DLG2: variants seen among roughly 807,000 people sequenced by gnomAD.
The protein encoded by DLG2 is discs large MAGUK scaffold protein 2, also known as disks large homolog 2.
Under a neutral mutation model 132.5 loss-of-function variants are expected in DLG2, and 45 were observed. The observed-to-expected ratio is 0.34, with a 90% CI of 0.27 to 0.44. The LOEUF (loss-of-function observed/expected upper bound fraction) is 0.44. Ranked by LOEUF, DLG2 falls within the 20% of genes least tolerant of loss-of-function variation. The pLI, the probability that DLG2 is intolerant of heterozygous loss-of-function variation, is 1.00. For synonymous variants in DLG2, 424 were observed against 419.6 expected, an observed-to-expected ratio of 1.01 and a Z score of -0.13; for missense variants, 1,045 against 1,196.9, an observed-to-expected ratio of 0.87 and a Z score of 1.87.
chr11:83,522,754 T>C (rs1198560014), intron 21 of DLG2, among the ~76,000 whole-genome samples: 2 of 151,654 alleles, frequency 1.3e-5, no homozygotes, highest in Non-Finnish European at 2.9e-5. Context: ...AGCTATTTGC[T>C]CCAGGTCATG....
chr11:84,019,781 C>T (rs999375545), intron 11 of DLG2, among the ~76,000 whole-genome samples: 2 of 152,116 alleles, frequency 1.3e-5, no homozygotes, highest in African/African-American at 2.4e-5. Context: ...CAAAGATTTC[C>T]GGCAAACTAC....
intron 6 of DLG2, among the ~76,000 whole-genome samples, chr11:84,985,991 CAAAAAAAAAAAAA>C (rs71036455): frequency 2.3e-5 from 1 of 44,214 alleles, no homozygotes; most frequent in Non-Finnish European, 3.6e-5. Context: ...GACTCCGTCT[CAAAAAAAAAAAAA>C]AAAAAAAAAA....
In DLG2 at chr11:83,965,350, G is replaced by A; in HGVS notation, c.1175C>T (p.Pro392Leu). 6.2e-7 allele frequency: 1 copy of A among 1,611,288 alleles called. No homozygotes were observed. The highest frequency in any genetic ancestry group is 8.5e-7 in the Non-Finnish European group (1 of 1,178,422). ...GTGAGTAATATCAGGTGGACCATAA[G>A]GATCAGTCATATAAATGGTAGTGGG... ...GKPTTIYMTDPYGPPDITHSY... is the reference protein window; with the variant it reads ...GKPTTIYMTDLYGPPDITHSY... The change falls in exon 13 of 28, where the codon CCT becomes CTT. Residue 392 changes from proline (P) to leucine (L), a missense_variant. Physicochemically the swap from Pro to Leu is moderately conservative, Grantham distance 98. Coordinates refer to ENST00000376104, the MANE Select transcript of DLG2 (RefSeq NM_001142699.3).
chr11:83,573,300 C>G (rs952658257), intron 19 of DLG2, among the ~76,000 whole-genome samples: 1 of 152,140 alleles, frequency 6.6e-6, no homozygotes, highest in African/African-American at 2.4e-5. Context: ...TTAGTCATCT[C>G]TATGTCATCA....
intron 3 of DLG2, among the ~76,000 whole-genome samples, chr11:85,502,427 G>A (rs2093826050): frequency 6.8e-6 from 1 of 146,766 alleles, no homozygotes; most frequent in Non-Finnish European, 1.5e-5. Context: ...ATAATAAAAA[G>A]AAAAAAAATG....
At chr11:84,071,411 T>C (rs1309844561) in intron 10 of DLG2, among the ~76,000 whole-genome samples, 1 of 152,068 alleles carries the variant, frequency 6.6e-6, no homozygotes, top group Non-Finnish European at 1.5e-5. Context: ...GGCCTGAACC[T>C]TTTTATTTTT....
intron 6 of DLG2, among the ~76,000 whole-genome samples, chr11:84,538,487 A>T (rs1032472536): frequency 6.6e-6 from 1 of 152,156 alleles, no homozygotes. Flanking sequence ...GGTGAGACAA[A>T]TCCCGTGATG....
chr11:84,527,187 T>C (rs1273296238), intron 7 of DLG2, among the ~76,000 whole-genome samples: 2 of 152,238 alleles, frequency 1.3e-5, no homozygotes, highest in African/African-American at 2.4e-5. Flanking sequence ...ATGATGACTA[T>C]GTGGGATGCA....
At chr11:85,501,344 AG>A (rs2093798302) in intron 3 of DLG2, among the ~76,000 whole-genome samples, 1 of 152,230 alleles carries the variant, frequency 6.6e-6, no homozygotes, top group African/African-American at 2.4e-5. Context: ...AATACCATTC[AG>A]GACATAGGCA....
intron 7 of DLG2, among the ~76,000 whole-genome samples, chr11:84,519,498 G>A (rs534854652): frequency 6.6e-6 from 1 of 152,296 alleles, no homozygotes; most frequent in East Asian, 1.9e-4. Context: ...AAACTGCCTT[G>A]TAAGAATACA....
intron 3 of DLG2, among the ~76,000 whole-genome samples, chr11:85,341,691 T>G (rs2082514558): frequency 6.6e-6 from 1 of 152,208 alleles, no homozygotes; most frequent in Non-Finnish European, 1.5e-5. Context: ...AGTACAATCA[T>G]GCATCATTTA....
chr11:83,624,296 C>T (rs775998563), intron 19 of DLG2, among the ~76,000 whole-genome samples: 7 of 152,108 alleles, frequency 4.6e-5, no homozygotes, highest in Non-Finnish European at 7.3e-5. Context: ...ACTTTTGTTC[C>T]TCTTCCTACA....
chr11:85,115,454 G>A (rs912005445), intron 5 of DLG2, among the ~76,000 whole-genome samples: 5 of 151,916 alleles, frequency 3.3e-5, no homozygotes, highest in East Asian at 1.9e-4. Flanking sequence ...ATTCTAAGGA[G>A]AAAGATAAAC....
chr11:84,348,203 T>C (rs944419617), intron 7 of DLG2, among the ~76,000 whole-genome samples: 3 of 152,214 alleles, frequency 2.0e-5, no homozygotes, highest in African/African-American at 7.2e-5. Context: ...ATAATTTATT[T>C]AGCATAGATA....
At chr11:83,742,331 G>C (rs1440087228) in intron 18 of DLG2, among the ~76,000 whole-genome samples, 3 of 151,736 alleles carry the variant, frequency 2.0e-5, no homozygotes, top group Non-Finnish European at 4.4e-5. Flanking sequence ...AAAACATAAT[G>C]TTGTGTACCT....
intron 3 of DLG2, among the ~76,000 whole-genome samples, chr11:85,359,310 A>G (rs1029382376): frequency 6.6e-6 from 1 of 152,228 alleles, no homozygotes; most frequent in Non-Finnish European, 1.5e-5. Flanking sequence ...CACCAAGTAT[A>G]AGAAGATTAA....
chr11:84,829,532 C>T (rs1040484904), intron 6 of DLG2, among the ~76,000 whole-genome samples: 7 of 151,614 alleles, frequency 4.6e-5, no homozygotes, highest in African/African-American at 1.7e-4. Flanking sequence ...GGAAAGGCAG[C>T]GTAGTAAAGT....
At chr11:84,083,477 G>A (rs1185258515) in intron 10 of DLG2, among the ~76,000 whole-genome samples, 1 of 152,152 alleles carries the variant, frequency 6.6e-6, no homozygotes, top group African/African-American at 2.4e-5. Flanking sequence ...AAGTTCATGT[G>A]TTGGAAATTT....
chr11:84,069,174 G>A (rs2096720646), intron 10 of DLG2, among the ~76,000 whole-genome samples: 2 of 152,172 alleles, frequency 1.3e-5, no homozygotes, highest in Non-Finnish European at 1.5e-5. Context: ...CACGTTCCTA[G>A]GTGATCCTGG....
Sources: gnomAD v4.1 joint callset for allele counts (sites outside exome capture counted in the v4.1 genomes callset) on GRCh38, gnomAD v4.1.1 for gene constraint, MANE v1.5 for transcripts, NCBI Gene and HGNC (gene_info 2026-07-23, HGNC 2026-07-21) for gene names.